Variants in PEBP4 observed in about 807,000 individuals in gnomAD.
PEBP4 encodes phosphatidylethanolamine binding protein 4, also known as phosphatidylethanolamine-binding protein 4.
In PEBP4, 22 loss-of-function variants were observed where a neutral mutation model predicts 23.9. The observed-to-expected ratio is 0.92, with a 90% CI of 0.66 to 1.31. The LOEUF (loss-of-function observed/expected upper bound fraction) is 1.31, where lower values mean the gene tolerates loss of function less well. Ranked by LOEUF, PEBP4 falls within the 40% of genes most tolerant of loss-of-function variation. PEBP4 has a pLI of 0.00. For missense variants in PEBP4, 324 were observed against 281.7 expected (o/e 1.15, Z -1.07); for synonymous variants, 112 against 99.3 (o/e 1.13, Z -0.76).
chr8:22,839,360 T>C (rs1807273692), intron 3 of PEBP4, among the ~76,000 whole-genome samples: 1 of 151,898 alleles, frequency 6.6e-6, no homozygotes, highest in South Asian at 2.1e-4. Flanking sequence ...GGTGTCCTGC[T>C]CAAAGGAGCT....
intron 6 of PEBP4, among the ~76,000 whole-genome samples, chr8:22,716,658 C>G (rs1016173069): frequency 2.0e-5 from 3 of 152,240 alleles, no homozygotes; most frequent in African/African-American, 7.2e-5. Context: ...TTGTCACGTG[C>G]TGGACAAACT....
At position 22,860,111 on chromosome 8, in the gene PEBP4, C is replaced by T. The variant is rs1193109280; in HGVS notation, c.259-42376G>A. ...TAGCCTGGGTGACAGAGTGAGACTC[C>T]GTCTCAAAAAAAAAAAAAAAAGAAA... On this transcript the variant is annotated intron_variant, in intron 3 of 6. Coordinates refer to ENST00000256404, the MANE Select transcript of PEBP4 (RefSeq NM_144962.3). Among the ~76,000 whole-genome samples, 14 of 83,992 alleles carry T rather than the reference C, an allele frequency of 1.7e-4. 1 individual carries two copies. In the South Asian group the frequency reaches 5.6e-3, roughly 33 times the overall value. The allele number at this position is 83,992 out of a possible 152,430, so 55.1% of individuals were successfully genotyped here. A position where few individuals can be genotyped will look rare whatever the true frequency, so the allele number is the denominator to read the frequency against.
At chr8:22,885,742 G>A (rs868303697) in intron 3 of PEBP4, 2 of 152,224 alleles carry the variant, frequency 1.3e-5, no homozygotes, top group Non-Finnish European at 2.9e-5. Context: ...AAGAAGTCAG[G>A]ACTCATGCAT....
chr8:22,735,379 T>C (rs908872353), intron 4 of PEBP4, among the ~76,000 whole-genome samples: 3 of 152,156 alleles, frequency 2.0e-5, no homozygotes, highest in Non-Finnish European at 4.4e-5. Flanking sequence ...GTAGACAAGA[T>C]AAAGGAGATT....
chr8:22,833,188 T>C (rs1807123308), intron 3 of PEBP4, among the ~76,000 whole-genome samples: 1 of 152,204 alleles, frequency 6.6e-6, no homozygotes, highest in Non-Finnish European at 1.5e-5. Context: ...ATCACCATCA[T>C]GTCCCTCTGT....
intron 4 of PEBP4, among the ~76,000 whole-genome samples, chr8:22,774,128 C>T (rs187128621): frequency 6.6e-6 from 1 of 152,256 alleles, no homozygotes. Flanking sequence ...TCGATCACAG[C>T]ATGCTGCTCC....
chr8:22,908,012 C>CA (rs35883467), intron 3 of PEBP4, among the ~76,000 whole-genome samples: 29,728 of 140,002 alleles, frequency 0.21, 3,083 homozygotes, highest in East Asian at 0.29. Context: ...GACCCTGTCT[C>CA]AAAAAAAAAA....
intron 4 of PEBP4, among the ~76,000 whole-genome samples, chr8:22,814,045 A>G (rs1160244416): frequency 6.6e-6 from 1 of 152,226 alleles, no homozygotes; most frequent in Non-Finnish European, 1.5e-5. Flanking sequence ...TAATAATATA[A>G]GAGCAAGTAA....
chr8:22,816,066 G>T (rs1806733760), intron 4 of PEBP4, among the ~76,000 whole-genome samples: 1 of 152,212 alleles, frequency 6.6e-6, no homozygotes, highest in Non-Finnish European at 1.5e-5. Flanking sequence ...CCGCTGGGGA[G>T]GCCTAAGTTC....
chr8:22,935,695 T>C (rs1481452847), intron 1 of PEBP4, among the ~76,000 whole-genome samples: 1 of 152,202 alleles, frequency 6.6e-6, no homozygotes, highest in East Asian at 1.9e-4. Flanking sequence ...ATTAATAATA[T>C]TGTATAAAAC....
At chr8:22,918,596 C>T (rs1212296846) in intron 3 of PEBP4, among the ~76,000 whole-genome samples, 1 of 152,214 alleles carries the variant, frequency 6.6e-6, no homozygotes, top group African/African-American at 2.4e-5. Context: ...TCTGCAGCAT[C>T]ATCAGCACGC....
chr8:22,890,355 C>T (rs1480850165), intron 3 of PEBP4, among the ~76,000 whole-genome samples: 3 of 152,230 alleles, frequency 2.0e-5, no homozygotes, highest in Admixed American at 6.5e-5. Flanking sequence ...TGCTGGTCCA[C>T]GGACCACACT....
Position 22,865,643 on chromosome 8 carries a change from T to G in PEBP4, c.259-47908A>C, listed in dbSNP as rs1234303163. Among the ~76,000 whole-genome samples, 2 of 151,942 alleles carry G rather than the reference T, an allele frequency of 1.3e-5. No homozygotes were observed. The highest frequency in any genetic ancestry group is 4.8e-5 in the African/African-American group (2 of 41,394). On this transcript the variant is annotated intron_variant, in intron 3 of 6. Transcript: ENST00000256404. This position sits in a 1 kb window ranked among gnomAD's most constrained non-coding sequence, Gnocchi z 6.9. Reference sequence around the variant, plus strand: ...CCATCCTGCTCAGAAAAGCCTCGGATGCTGCCCGGGAGGAGGAGGCAAAGG... The same window carrying G: ...CCATCCTGCTCAGAAAAGCCTCGGAGGCTGCCCGGGAGGAGGAGGCAAAGG...
chr8:22,766,577 C>T (rs1038067028), intron 4 of PEBP4, among the ~76,000 whole-genome samples: 6 of 152,310 alleles, frequency 3.9e-5, no homozygotes, highest in Non-Finnish European at 5.9e-5. Flanking sequence ...TGCGATGATG[C>T]GACCTGGTGC....
chr8:22,883,551 A>T (rs1468787809), intron 3 of PEBP4, among the ~76,000 whole-genome samples: 2 of 151,844 alleles, frequency 1.3e-5, no homozygotes, highest in African/African-American at 4.8e-5. Flanking sequence ...GCACAAAATT[A>T]GTTCCTTCGA....
chr8:22,770,298 C>T (rs184217898), intron 4 of PEBP4, among the ~76,000 whole-genome samples: 39 of 152,340 alleles, frequency 2.6e-4, no homozygotes, highest in Middle Eastern at 3.4e-3. Context: ...TGCTCTCTGC[C>T]ATATGGTTGC....
intron 3 of PEBP4, among the ~76,000 whole-genome samples, chr8:22,845,757 C>T (rs1210585088): frequency 6.6e-6 from 1 of 152,248 alleles, no homozygotes; most frequent in Non-Finnish European, 1.5e-5. Flanking sequence ...CCATAAGGCG[C>T]CTCTCGCCTC....
chr8:22,790,582 T>C (rs1806118226), intron 4 of PEBP4, among the ~76,000 whole-genome samples: 1 of 151,904 alleles, frequency 6.6e-6, no homozygotes, highest in Admixed American at 6.6e-5. Flanking sequence ...GTTGGGATGA[T>C]GGGATCACGT....
chr8:22,776,657 C>T (rs192860460), intron 4 of PEBP4, among the ~76,000 whole-genome samples: 98 of 151,738 alleles, frequency 6.5e-4, no homozygotes, highest in Non-Finnish European at 1.3e-3. Flanking sequence ...CTTATTCCTC[C>T]CCATCTCTAC....
Sources: gnomAD v4.1 joint callset for allele counts (sites outside exome capture counted in the v4.1 genomes callset) on GRCh38, gnomAD v4.1.1 for gene constraint, Gnocchi (gnomAD v3.1) non-coding constraint, MANE v1.5 for transcripts, NCBI Gene and HGNC (gene_info 2026-07-23, HGNC 2026-07-21) for gene names.